The following GRIA4 variants were observed in gnomAD, a reference collection of about 807,000 sequenced individuals.
GRIA4 encodes the protein glutamate receptor 4.
A neutral mutation model predicts 104.0 loss-of-function variants in GRIA4; 34 were observed. The ratio of observed to expected loss-of-function variants is 0.33; its 90% confidence interval spans 0.25 to 0.44. The LOEUF is 0.44. Ranked by LOEUF, GRIA4 falls within the 20% of genes least tolerant of loss-of-function variation. GRIA4 has a pLI of 1.00. For missense variants in GRIA4, 750 were observed against 1,096.5 expected, an observed-to-expected ratio of 0.68 and a Z score of 4.46; for synonymous variants, 386 against 381.9, an observed-to-expected ratio of 1.01 and a Z score of -0.13.
At chr11:105,850,580 G>A (rs1161320535) in intron 4 of GRIA4, among the ~76,000 whole-genome samples, 1 of 152,082 alleles carries the variant, frequency 6.6e-6, no homozygotes, top group Non-Finnish European at 1.5e-5. Context: ...GAGCAGTGCC[G>A]GGACAACATC....
intron 14 of GRIA4, among the ~76,000 whole-genome samples, chr11:105,962,239 T>C (rs1443121709): frequency 6.6e-6 from 1 of 152,158 alleles, no homozygotes; most frequent in East Asian, 1.9e-4. Context: ...TCCAGATCTA[T>C]ATAATTTAAT....
intron 14 of GRIA4, 36 bp from the exon 15 acceptor site, chr11:105,971,878 A>G (rs1397174125): frequency 7.8e-7 from 1 of 1,278,530 alleles, no homozygotes; most frequent in Admixed American, 1.7e-5. Context: ...ATAAAATAAC[A>G]TATATAATGT....
intron 4 of GRIA4, among the ~76,000 whole-genome samples, chr11:105,814,926 A>G (rs545951518): frequency 6.6e-6 from 1 of 152,278 alleles, no homozygotes; most frequent in East Asian, 1.9e-4. Flanking sequence ...GACAAACTAC[A>G]GTGTTCCCTT....
intron 3 of GRIA4, among the ~76,000 whole-genome samples, chr11:105,734,679 A>G (rs1310796646): frequency 6.6e-6 from 1 of 152,114 alleles, no homozygotes; most frequent in Non-Finnish European, 1.5e-5. Context: ...TCAGACACCA[A>G]ACAAAATTGT....
At chr11:105,630,135 C>T (rs1950994969) in intron 3 of GRIA4, among the ~76,000 whole-genome samples, 1 of 152,170 alleles carries the variant, frequency 6.6e-6, no homozygotes, top group Non-Finnish European at 1.5e-5. Context: ...CTCAAGGCAC[C>T]TTGGACTTAC....
chr11:105,824,748 C>T (rs1267333374), intron 4 of GRIA4: 3 of 152,040 alleles, frequency 2.0e-5, no homozygotes, highest in East Asian at 1.9e-4. Flanking sequence ...AGGAAGATCT[C>T]GCAAGAAATC....
At chr11:105,864,082 G>T (rs1591367018) in intron 5 of GRIA4, among the ~76,000 whole-genome samples, 1 of 152,108 alleles carries the variant, frequency 6.6e-6, no homozygotes, top group East Asian at 1.9e-4. Context: ...AATAGTAAGA[G>T]AACTTTGTCC....
chr11:105,634,476 A>G (rs1008015551), intron 3 of GRIA4, among the ~76,000 whole-genome samples: 31 of 53,236 alleles, frequency 5.8e-4, no homozygotes, highest in Middle Eastern at 7.9e-3. Context: ...AGGGAAAGAA[A>G]GAAAGAAAGA....
At chr11:105,903,709 A>T (rs1946944876) in intron 7 of GRIA4, 105 bp from the exon 8 acceptor site, 2 of 741,848 alleles carry the variant, frequency 2.7e-6, no homozygotes, top group South Asian at 3.4e-5. Context: ...ACCATCCTTC[A>T]GACAGAATGG....
At chr11:105,945,524 AAAG>A in intron 14 of GRIA4, 1 of 870,064 alleles carries the variant, frequency 1.1e-6, no homozygotes, top group Non-Finnish European at 1.4e-6. Context: ...TTTTCTTTCA[AAAG>A]AATGGCTTCC....
chr11:105,852,593 T>C (rs945403571), intron 4 of GRIA4, among the ~76,000 whole-genome samples: 1 of 152,174 alleles, frequency 6.6e-6, no homozygotes, highest in African/African-American at 2.4e-5. Context: ...ACTCTGTATT[T>C]AGATAATCAC....
chr11:105,875,028 C>G (rs1945762868), intron 5 of GRIA4, among the ~76,000 whole-genome samples: 1 of 152,212 alleles, frequency 6.6e-6, no homozygotes, highest in African/African-American at 2.4e-5. Context: ...TTTGCCCATT[C>G]AGTATGATAT....
At chr11:105,979,489 C>A in intron 16 of GRIA4, 86 bp from the exon 17 acceptor site, 1 of 1,131,334 alleles carries the variant, frequency 8.8e-7, no homozygotes. Flanking sequence ...ATTTATATTT[C>A]GGTGTTTGTT....
chr11:105,914,492 A>T (rs1947343226), intron 10 of GRIA4, among the ~76,000 whole-genome samples: 1 of 152,120 alleles, frequency 6.6e-6, no homozygotes, highest in Non-Finnish European at 1.5e-5. Flanking sequence ...CAAATAATCC[A>T]GAAAAATCTC....
intron 4 of GRIA4, among the ~76,000 whole-genome samples, chr11:105,855,648 A>G (rs1944983481): frequency 6.6e-6 from 1 of 152,174 alleles, no homozygotes; most frequent in Admixed American, 6.6e-5. Flanking sequence ...TTTACTTAAA[A>G]TAGAAACACA....
At chr11:105,955,583 T>A (rs947905130) in intron 14 of GRIA4, among the ~76,000 whole-genome samples, 2 of 152,160 alleles carry the variant, frequency 1.3e-5, no homozygotes, top group Non-Finnish European at 2.9e-5. Flanking sequence ...GCAATAAACA[T>A]GTGTGCATGT....
chr11:105,656,242 T>C (rs189822791), intron 3 of GRIA4, among the ~76,000 whole-genome samples: 66 of 152,196 alleles, frequency 4.3e-4, no homozygotes, highest in Admixed American at 3.5e-3. Context: ...TCTGATATTT[T>C]ACAAACCTGA....
chr11:105,808,178 T>C (rs1943027138), intron 4 of GRIA4, among the ~76,000 whole-genome samples: 2 of 151,976 alleles, frequency 1.3e-5, no homozygotes, highest in African/African-American at 2.4e-5. Context: ...ATCCATGAGA[T>C]GGATTTGTTG....
intron 14 of GRIA4, among the ~76,000 whole-genome samples, chr11:105,962,119 C>T (rs1948759224): frequency 6.6e-6 from 1 of 152,144 alleles, no homozygotes; most frequent in African/African-American, 2.4e-5. Flanking sequence ...CTTAGGTTGA[C>T]ATTTTATCAG....
Sources: allele counts gnomAD v4.1 joint callset (sites outside exome capture counted in the v4.1 genomes callset), GRCh38; gene constraint gnomAD v4.1.1; transcripts MANE v1.5; gene names NCBI Gene and HGNC (gene_info 2026-07-23, HGNC 2026-07-21).